Variants in AAK1 observed in about 807,000 individuals in gnomAD.
AAK1 encodes AP2 associated kinase 1.
AAK1 carries 37 observed loss-of-function variants against 116.0 expected under a neutral mutation model. The ratio of observed to expected loss-of-function variants is 0.32; its 90% CI spans 0.25 to 0.42. The LOEUF (loss-of-function observed/expected upper bound fraction) is 0.42. Ranked by LOEUF, AAK1 falls within the 10% of genes least tolerant of loss-of-function variation. The probability of loss-of-function intolerance (pLI) is 1.00; values close to 1 mark genes in which losing one functional copy is unlikely to be tolerated. For synonymous variants in AAK1, 458 were observed against 439.9 expected (o/e 1.04, Z -0.51); for missense variants, 919 against 1,170.6 (o/e 0.79, Z 3.14).
At chr2:69,576,084 TAG>T (rs1476476885) in intron 2 of AAK1, among the ~76,000 whole-genome samples, 1 of 152,140 alleles carries the variant, frequency 6.6e-6, no homozygotes. Flanking sequence ...GAGCGGGGAA[TAG>T]CCTGGTCTAA....
At chr2:69,596,221 CTTTTT>C (rs112330025) in intron 2 of AAK1, among the ~76,000 whole-genome samples, 1 of 138,084 alleles carries the variant, frequency 7.2e-6, no homozygotes, top group Admixed American at 7.2e-5. Flanking sequence ...GTAATTTTGA[CTTTTT>C]TTTTTTTTTT....
intron 2 of AAK1, among the ~76,000 whole-genome samples, chr2:69,572,668 T>C (rs1485613774): frequency 6.6e-6 from 1 of 151,494 alleles, no homozygotes; most frequent in Non-Finnish European, 1.5e-5. Context: ...TTTATCTTGA[T>C]TACTGAGTCT....
At chr2:69,562,199 A>G (rs1261754791) in intron 2 of AAK1, among the ~76,000 whole-genome samples, 2 of 152,210 alleles carry the variant, frequency 1.3e-5, no homozygotes, top group African/African-American at 4.8e-5. Context: ...CCCAGCAGCC[A>G]CATACGAGAG....
chr2:69,561,108 G>A (rs1671615935), intron 2 of AAK1, among the ~76,000 whole-genome samples: 1 of 152,138 alleles, frequency 6.6e-6, no homozygotes, highest in Non-Finnish European at 1.5e-5. Context: ...TTAAATTAAT[G>A]CTGTTCAGGT....
chr2:69,523,600 G>A (rs866537030), intron 10 of AAK1, among the ~76,000 whole-genome samples: 7 of 152,170 alleles, frequency 4.6e-5, no homozygotes, highest in Non-Finnish European at 7.3e-5. Flanking sequence ...TATCTCCTGC[G>A]CTACCTCTAG....
intron 13 of AAK1, among the ~76,000 whole-genome samples, chr2:69,511,746 GT>G (rs1676403895): frequency 6.6e-6 from 1 of 152,198 alleles, no homozygotes; most frequent in South Asian, 2.1e-4. Flanking sequence ...TTGTCTCGAG[GT>G]TGATGGCATA....
At chr2:69,550,927 T>A (rs1218535407) in intron 3 of AAK1, among the ~76,000 whole-genome samples, 1 of 152,180 alleles carries the variant, frequency 6.6e-6, no homozygotes, top group African/African-American at 2.4e-5. Flanking sequence ...TCATTCATTT[T>A]TAAAGTGTGT....
intron 6 of AAK1, 185 bp downstream of exon 6, chr2:69,531,856 C>A: frequency 7.9e-7 from 1 of 1,257,888 alleles, no homozygotes; most frequent in East Asian, 2.8e-5. Flanking sequence ...CTGATGTATG[C>A]CTGTAAACCC....
At chr2:69,555,477 G>A (rs1028970348) in intron 3 of AAK1, among the ~76,000 whole-genome samples, 2 of 152,214 alleles carry the variant, frequency 1.3e-5, no homozygotes, top group Non-Finnish European at 2.9e-5. Flanking sequence ...GTGAACAGGG[G>A]CAAGCGGAGC....
intron 2 of AAK1, among the ~76,000 whole-genome samples, chr2:69,638,786 C>T (rs1359298819): frequency 6.6e-6 from 1 of 152,184 alleles, no homozygotes; most frequent in Non-Finnish European, 1.5e-5. Flanking sequence ...TATGAACTCT[C>T]ACCCCCAGGC....
intron 5 of AAK1, among the ~76,000 whole-genome samples, chr2:69,538,455 G>A (rs375217142): frequency 2.1e-4 from 32 of 152,348 alleles, no homozygotes; most frequent in African/African-American, 7.7e-4. Flanking sequence ...TGCTGACCCA[G>A]CACCTCACTG....
At chr2:69,589,353 A>T (rs1278149911) in intron 2 of AAK1, among the ~76,000 whole-genome samples, 1 of 152,230 alleles carries the variant, frequency 6.6e-6, no homozygotes, top group Non-Finnish European at 1.5e-5. Flanking sequence ...AAAGATCAGC[A>T]GGAAAAGGAG....
At chr2:69,534,198 AG>A (rs1670369459) in intron 5 of AAK1, among the ~76,000 whole-genome samples, 1 of 152,204 alleles carries the variant, frequency 6.6e-6, no homozygotes, top group African/African-American at 2.4e-5. Context: ...GGAGAAAATG[AG>A]GCTCAGAGTG....
intron 2 of AAK1, among the ~76,000 whole-genome samples, chr2:69,622,323 G>A (rs1309771844): frequency 4.4e-5 from 5 of 114,606 alleles, no homozygotes; most frequent in African/African-American, 9.7e-5. Flanking sequence ...CCCCTCCCCC[G>A]CCCGGCGGTG....
chr2:69,465,618 T>C lies in AAK1; in HGVS notation c.*10251A>G. ...ACTTGGCTCGTCTTCTGGGCTATAG[T>C]GACGGGAATACTTGGATAAGGACTG... On this transcript the variant is annotated 3_prime_UTR_variant, in exon 22 of 22. Transcript: ENST00000409085. 3 of 1,290,958 alleles carry C rather than the reference T, an allele frequency of 2.3e-6. No individual in the cohort carries two copies. Among genetic ancestry groups the C allele is most frequent in the South Asian group, 1.2e-5 (1 of 81,026 alleles). The allele number at this position is 1,290,958 out of a possible 1,614,324, so 80.0% of individuals were successfully genotyped here.
intron 2 of AAK1, among the ~76,000 whole-genome samples, chr2:69,636,020 A>C (rs530318781): frequency 1.3e-5 from 2 of 152,082 alleles, no homozygotes; most frequent in African/African-American, 4.8e-5. Flanking sequence ...CAACACTAGC[A>C]CTCCCATTCA....
chr2:69,558,031 C>G (rs1558960122), intron 2 of AAK1, among the ~76,000 whole-genome samples: 1 of 152,136 alleles, frequency 6.6e-6, no homozygotes, highest in Admixed American at 6.5e-5. Context: ...CTCTAAAAGA[C>G]AGTTCACAAT....
At chr2:69,618,724 G>A (rs759275270) in intron 2 of AAK1, among the ~76,000 whole-genome samples, 1 of 152,058 alleles carries the variant, frequency 6.6e-6, no homozygotes, top group Admixed American at 6.5e-5. Flanking sequence ...ATCTTTCTGG[G>A]TGGTCTCAAA....
chr2:69,542,488 G>C (rs751307814), intron 5 of AAK1, 35 bp downstream of exon 5: 2 of 1,612,182 alleles, frequency 1.2e-6, no homozygotes, highest in African/African-American at 1.3e-5. Context: ...AAAATATTGA[G>C]TAGAATGCCC....
Sources: gnomAD v4.1 joint callset for allele counts (sites outside exome capture counted in the v4.1 genomes callset) on GRCh38, gnomAD v4.1.1 for gene constraint, MANE v1.5 for transcripts, NCBI Gene and HGNC (gene_info 2026-07-23, HGNC 2026-07-21) for gene names.